Variants in ATP8B4 observed in about 807,000 individuals in gnomAD.
ATP8B4 encodes ATPase phospholipid transporting 8B4 (putative).
In ATP8B4, 133 loss-of-function variants were observed where a neutral mutation model predicts 145.6. The ratio of observed to expected loss-of-function variants is 0.91; its 90% confidence interval spans 0.79 to 1.05. ATP8B4 has a LOEUF of 1.05. ATP8B4 is among the 50% of genes least tolerant of loss of function. ATP8B4 has a pLI of 0.00. For missense variants in ATP8B4, 1,458 were observed against 1,425.2 expected (o/e 1.02, Z -0.37); for synonymous variants, 507 against 492.9 (o/e 1.03, Z -0.38).
chr15:50,008,969 T>C (rs1247541808), intron 7 of ATP8B4, among the ~76,000 whole-genome samples: 3 of 152,220 alleles, frequency 2.0e-5, no homozygotes, highest in Non-Finnish European at 4.4e-5. Context: ...TATCAGTTTA[T>C]GCTAATTCTT....
At chr15:50,143,098 T>G (rs1021417075) in intron 1 of ATP8B4, among the ~76,000 whole-genome samples, 2 of 152,188 alleles carry the variant, frequency 1.3e-5, no homozygotes, top group Non-Finnish European at 2.9e-5. Context: ...ACTTTTCTTC[T>G]AAAAATAGAA....
intron 8 of ATP8B4, among the ~76,000 whole-genome samples, chr15:49,998,736 T>G (rs1273869586): frequency 1.3e-5 from 2 of 152,224 alleles, no homozygotes; most frequent in Non-Finnish European, 2.9e-5. Context: ...AGAAGCTCTT[T>G]AGTTTAATTA....
At chr15:50,147,377 C>T (rs1429991750) in intron 1 of ATP8B4, among the ~76,000 whole-genome samples, 2 of 149,106 alleles carry the variant, frequency 1.3e-5, no homozygotes, top group African/African-American at 5.0e-5. Flanking sequence ...GATCACACCA[C>T]TGCACTCCAT....
intron 9 of ATP8B4, among the ~76,000 whole-genome samples, chr15:49,993,706 CCT>C (rs1410047331): frequency 1.3e-5 from 2 of 152,050 alleles, no homozygotes; most frequent in Admixed American, 1.3e-4. Context: ...CATAAAACTC[CCT>C]GTTGCCTTGA....
At chr15:49,877,750 C>A (rs937772831) in intron 24 of ATP8B4, among the ~76,000 whole-genome samples, 2 of 152,148 alleles carry the variant, frequency 1.3e-5, no homozygotes, top group African/African-American at 4.8e-5. Flanking sequence ...GAACTATCGC[C>A]ATGATTAAAC....
chr15:50,148,159 G>T (rs576506628), intron 1 of ATP8B4, among the ~76,000 whole-genome samples: 1 of 152,182 alleles, frequency 6.6e-6, no homozygotes, highest in African/African-American at 2.4e-5. Context: ...ATCTAATCAT[G>T]AGGAAACATC....
intron 1 of ATP8B4, among the ~76,000 whole-genome samples, chr15:50,149,956 C>A (rs1051667101): frequency 6.6e-6 from 1 of 152,064 alleles, no homozygotes; most frequent in African/African-American, 2.4e-5. Flanking sequence ...CAAAAATTAG[C>A]CAGGTGTGGT....
intron 1 of ATP8B4, among the ~76,000 whole-genome samples, chr15:50,171,712 C>G (rs958879479): frequency 1.3e-5 from 2 of 151,398 alleles, no homozygotes; most frequent in African/African-American, 4.9e-5. Flanking sequence ...AAGATCAGAG[C>G]AGAACTAAAT....
chr15:50,075,519 T>C (rs911053451), intron 2 of ATP8B4, among the ~76,000 whole-genome samples: 2 of 152,216 alleles, frequency 1.3e-5, no homozygotes, highest in African/African-American at 2.4e-5. Context: ...AGTAACCACC[T>C]GCATGGTTTC....
intron 6 of ATP8B4, among the ~76,000 whole-genome samples, chr15:50,035,488 C>G (rs1250852708): frequency 6.6e-6 from 1 of 152,156 alleles, no homozygotes; most frequent in Admixed American, 6.5e-5. Flanking sequence ...TAGACTCTTA[C>G]CTGCCATGAA....
At chr15:50,164,053 G>T (rs1018463217) in intron 1 of ATP8B4, among the ~76,000 whole-genome samples, 1 of 152,136 alleles carries the variant, frequency 6.6e-6, no homozygotes, top group Non-Finnish European at 1.5e-5. Context: ...CCCAGGGCAG[G>T]TCCAAGAATG....
rs116403318 is a variant in ATP8B4 at position 49,913,976 on chromosome 15, T to A, written c.2141+2958A>T. On this transcript the variant is annotated intron_variant, in intron 20 of 27. Coordinates refer to ENST00000284509, the MANE Select transcript of ATP8B4 (RefSeq NM_024837.4). ...ATTTTTCACAGAAATGGAAAAAAAA[T>A]TCCTAACATTCATATGGAACCAAAA... Among the ~76,000 whole-genome samples, 715 of 151,838 alleles carry A rather than the reference T, an allele frequency of 4.7e-3. 7 individuals carry two copies. Among genetic ancestry groups the A allele is most frequent in the African/African-American group, 0.016 (677 of 41,460 alleles).
chr15:50,118,379 A>T (rs929505855), intron 1 of ATP8B4, among the ~76,000 whole-genome samples: 1 of 152,206 alleles, frequency 6.6e-6, no homozygotes, highest in Non-Finnish European at 1.5e-5. Context: ...TCAAAACTGA[A>T]ATCACTCTGA....
At chr15:50,117,353 C>G (rs562085966) in intron 1 of ATP8B4, among the ~76,000 whole-genome samples, 1 of 152,124 alleles carries the variant, frequency 6.6e-6, no homozygotes, top group Non-Finnish European at 1.5e-5. Context: ...TCTGGCCAAA[C>G]ATACATTAAG....
chr15:49,940,712 T>A (rs2042101859), intron 14 of ATP8B4, among the ~76,000 whole-genome samples: 1 of 152,200 alleles, frequency 6.6e-6, no homozygotes, highest in Admixed American at 6.5e-5. Flanking sequence ...AGGTCCTCAA[T>A]GACTTAGTCT....
chr15:49,916,316 T>A (rs748495478), intron 20 of ATP8B4, among the ~76,000 whole-genome samples: 1 of 152,162 alleles, frequency 6.6e-6, no homozygotes, highest in African/African-American at 2.4e-5. Context: ...ACTTACGTAT[T>A]TTCTGGTACT....
At chr15:49,946,499 T>C (rs1197868958) in intron 14 of ATP8B4, among the ~76,000 whole-genome samples, 5 of 152,200 alleles carry the variant, frequency 3.3e-5, no homozygotes, top group Non-Finnish European at 5.9e-5. Context: ...CAGACTGGGT[T>C]CCCCAATTTC....
At chr15:50,033,950 A>G (rs1276801955) in intron 6 of ATP8B4, among the ~76,000 whole-genome samples, 1 of 152,128 alleles carries the variant, frequency 6.6e-6, no homozygotes, top group Non-Finnish European at 1.5e-5. Flanking sequence ...CATTTTCTTC[A>G]TCCAGTCCAT....
intron 13 of ATP8B4, among the ~76,000 whole-genome samples, chr15:49,963,053 T>A (rs1021623795): frequency 6.6e-6 from 1 of 151,914 alleles, no homozygotes; most frequent in Non-Finnish European, 1.5e-5. Context: ...TACAAGGAAC[T>A]TAAACAAATT....
Sources: allele counts gnomAD v4.1 joint callset (sites outside exome capture counted in the v4.1 genomes callset), GRCh38; gene constraint gnomAD v4.1.1; transcripts MANE v1.5; gene names NCBI Gene and HGNC (gene_info 2026-07-23, HGNC 2026-07-21).